CACNG4: variants seen among roughly 807,000 people sequenced by gnomAD.
The protein encoded by CACNG4 is calcium voltage-gated channel auxiliary subunit gamma 4.
A neutral mutation model predicts 22.9 loss-of-function variants in CACNG4; 8 were observed. The ratio of observed to expected loss-of-function variants is 0.35; its 90% CI spans 0.21 to 0.63. CACNG4 has a LOEUF of 0.63. Ranked by LOEUF, CACNG4 falls within the 30% of genes least tolerant of loss-of-function variation. CACNG4 has a pLI of 0.72. For synonymous variants in CACNG4, 188 were observed against 191.9 expected, an observed-to-expected ratio of 0.98 and a Z score of 0.17; for missense variants, 357 against 455.4, an observed-to-expected ratio of 0.78 and a Z score of 1.97.
rs1282995123 is a variant in CACNG4, at chr17:66,984,261, G to C, written c.220+19130G>C. On this transcript the variant is annotated intron_variant, in intron 1 of 3. Coordinates refer to ENST00000262138, the MANE Select transcript of CACNG4 (RefSeq NM_014405.4). The surrounding 1 kb of genome is among the most constrained non-coding windows in gnomAD (Gnocchi z 4.0). Reference sequence around the variant, plus strand: ...CTGGACATGGTGGTGCACACCTTTAGCCCTAGCTACACAGGAGGCTGAGGT... The same window carrying C: ...CTGGACATGGTGGTGCACACCTTTACCCCTAGCTACACAGGAGGCTGAGGT... Among the ~76,000 whole-genome samples, 1 of 152,170 alleles carries C rather than the reference G, an allele frequency of 6.6e-6. No homozygotes were observed. The highest frequency in any genetic ancestry group is 2.4e-5 in the African/African-American group (1 of 41,432).
At chr17:66,996,379 CTTTTTT>C (rs10585610) in intron 1 of CACNG4, among the ~76,000 whole-genome samples, 1 of 129,136 alleles carries the variant, frequency 7.7e-6, no homozygotes. Context: ...CAGTCCGATT[CTTTTTT>C]TTTTTTTTTT....
At chr17:66,986,012 C>T (rs2035303743) in intron 1 of CACNG4, among the ~76,000 whole-genome samples, 1 of 152,198 alleles carries the variant, frequency 6.6e-6, no homozygotes, top group South Asian at 2.1e-4. Flanking sequence ...CCAGAAACAT[C>T]ATGCCTGCTC....
chr17:66,987,628 G>T (rs746840050), intron 1 of CACNG4, among the ~76,000 whole-genome samples: 3 of 152,156 alleles, frequency 2.0e-5, no homozygotes, highest in Non-Finnish European at 4.4e-5. Context: ...TGGTTTTACC[G>T]GAGGAGGTTG....
At chr17:67,024,121 C>T (rs1485549968) in intron 2 of CACNG4, among the ~76,000 whole-genome samples, 1 of 152,304 alleles carries the variant, frequency 6.6e-6, no homozygotes, top group East Asian at 1.9e-4. Flanking sequence ...CTGTGGGTCA[C>T]GAGCATCCCT....
intron 1 of CACNG4, among the ~76,000 whole-genome samples, chr17:67,011,632 T>A (rs933298221): frequency 6.8e-6 from 1 of 146,282 alleles, no homozygotes; most frequent in Non-Finnish European, 1.5e-5. Context: ...GAGGAATGAA[T>A]GAATGAATGA....
At position 67,030,832 on chromosome 17, in the gene CACNG4, TGGG is replaced by T. The variant is rs750294918; in HGVS notation, c.815_817del (p.Gly272del). Reference sequence around the variant, plus strand: ...CTGAAGATCACAGGGGCCATCCCCATGGGGGAGCTGTCCATGTACACGCTGTCC... The same window carrying T: ...CTGAAGATCACAGGGGCCATCCCCATGGAGCTGTCCATGTACACGCTGTCC... On this transcript the variant is annotated inframe_deletion, in exon 4 of 4. Coordinates refer to ENST00000262138, the MANE Select transcript of CACNG4 (RefSeq NM_014405.4). The surrounding 1 kb of genome is among the most constrained non-coding windows in gnomAD (Gnocchi z 6.4). The T allele has an allele frequency of 6.8e-6, 11 of 1,613,756 alleles. No homozygotes were observed. The highest frequency in any genetic ancestry group is 4.0e-5 in the African/African-American group (3 of 74,864).
intron 1 of CACNG4, among the ~76,000 whole-genome samples, chr17:66,981,391 T>C (rs939530738): frequency 6.6e-6 from 1 of 152,218 alleles, no homozygotes; most frequent in Non-Finnish European, 1.5e-5. Flanking sequence ...TCTTCGACCC[T>C]TAATAGCCCT....
At chr17:66,990,142 C>T (rs1192720572) in intron 1 of CACNG4, among the ~76,000 whole-genome samples, 2 of 152,184 alleles carry the variant, frequency 1.3e-5, no homozygotes, top group Non-Finnish European at 2.9e-5. Context: ...CAGGCGGCTT[C>T]CCTTTCTTAG....
rs1483390463 is a variant in CACNG4 at position 66,979,421 on chromosome 17, T to C, written c.220+14290T>C. Among the ~76,000 whole-genome samples the C allele has an allele frequency of 5.3e-5, 8 of 152,318 alleles. 1 individual carries two copies. The South Asian group carries it at 1.7e-3, about 32-fold the overall frequency. On this transcript the variant is annotated intron_variant, in intron 1 of 3. Transcript: ENST00000262138. ...GTTATTAAACATGAAGAGAATTCTA[T>C]TAAATGGCAAATTGAGTGAGCCAAA...
At chr17:67,026,959 A>C (rs9913820) in intron 3 of CACNG4, among the ~76,000 whole-genome samples, 2,864 of 151,370 alleles carry the variant, frequency 0.019, 84 homozygotes, top group African/African-American at 0.064. Context: ...TCATTTTTCA[A>C]AAGGTGTGAG....
chr17:66,976,219 G>A (rs996255223), intron 1 of CACNG4, among the ~76,000 whole-genome samples: 5 of 152,098 alleles, frequency 3.3e-5, no homozygotes, highest in African/African-American at 1.2e-4. Context: ...TCCTGACTCC[G>A]CCACTCACCA....
intron 1 of CACNG4, among the ~76,000 whole-genome samples, chr17:66,993,268 C>T (rs1379047487): frequency 6.6e-6 from 1 of 152,230 alleles, no homozygotes; most frequent in Non-Finnish European, 1.5e-5. Context: ...TGGCAGCGGT[C>T]CTGTGAATTA....
intron 2 of CACNG4, among the ~76,000 whole-genome samples, chr17:67,021,409 T>C (rs1490504369): frequency 2.0e-5 from 3 of 152,348 alleles, no homozygotes; most frequent in Admixed American, 2.0e-4. Context: ...CCAACCCTGG[T>C]AGATCCAAGG....
At chr17:66,990,292 G>A (rs924197874) in intron 1 of CACNG4, among the ~76,000 whole-genome samples, 1 of 152,228 alleles carries the variant, frequency 6.6e-6, no homozygotes, top group African/African-American at 2.4e-5. Context: ...CTTGCCACGT[G>A]GCCCCCTTGG....
At chr17:66,979,551 C>A (rs1480908224) in intron 1 of CACNG4, among the ~76,000 whole-genome samples, 3 of 152,048 alleles carry the variant, frequency 2.0e-5, no homozygotes, top group African/African-American at 7.3e-5. Context: ...AGGAAATTCA[C>A]CAAAATGTTA....
chr17:66,977,989 C>T (rs2035248496), intron 1 of CACNG4, among the ~76,000 whole-genome samples: 1 of 152,178 alleles, frequency 6.6e-6, no homozygotes, highest in Admixed American at 6.5e-5. Flanking sequence ...GAGGCCTATC[C>T]CATAGGGTTG....
chr17:66,976,438 A>C (rs2035236839), intron 1 of CACNG4, among the ~76,000 whole-genome samples: 1 of 130,116 alleles, frequency 7.7e-6, no homozygotes. Context: ...CCTCTCTCTA[A>C]CTTCCACCCT....
intron 1 of CACNG4, among the ~76,000 whole-genome samples, chr17:66,988,786 C>T (rs1275148464): frequency 1.3e-5 from 2 of 152,106 alleles, no homozygotes; most frequent in African/African-American, 2.4e-5. Flanking sequence ...AGGCAGGGCG[C>T]GGTGGCTCAC....
chr17:67,005,518 C>G (rs942036339), intron 1 of CACNG4, among the ~76,000 whole-genome samples: 1 of 152,220 alleles, frequency 6.6e-6, no homozygotes, highest in Non-Finnish European at 1.5e-5. Context: ...TCTCCGCTTA[C>G]CACACGAGCT....
Sources: allele counts gnomAD v4.1 joint callset (sites outside exome capture counted in the v4.1 genomes callset), GRCh38; gene constraint gnomAD v4.1.1; non-coding constraint Gnocchi (gnomAD v3.1); transcripts MANE v1.5; gene names NCBI Gene and HGNC (gene_info 2026-07-23, HGNC 2026-07-21).